The following CNTNAP2 variants were observed in gnomAD, a reference collection of about 807,000 sequenced individuals.
CNTNAP2 encodes contactin-associated protein-like 2.
In CNTNAP2, 98 loss-of-function variants were observed where a neutral mutation model predicts 155.2. The ratio of observed to expected loss-of-function variants is 0.63; its 90% confidence interval spans 0.54 to 0.75. The LOEUF (loss-of-function observed/expected upper bound fraction) is 0.75. Among genes scored for constraint, CNTNAP2 ranks in the 30% least tolerant of loss-of-function variants. The probability of loss-of-function intolerance (pLI) is 0.00; values close to 1 mark genes in which losing one functional copy is unlikely to be tolerated. For synonymous variants in CNTNAP2, 651 were observed against 631.2 expected (o/e 1.03, Z -0.47); for missense variants, 1,727 against 1,688.1 (o/e 1.02, Z -0.40).
At chr7:147,964,870 A>G (rs1241273126) in intron 14 of CNTNAP2, among the ~76,000 whole-genome samples, 1 of 152,190 alleles carries the variant, frequency 6.6e-6, no homozygotes, top group Non-Finnish European at 1.5e-5. Flanking sequence ...AATGTCCCTG[A>G]GTGGGTTGCT....
intron 13 of CNTNAP2, among the ~76,000 whole-genome samples, chr7:147,736,156 T>G (rs991691045): frequency 2.2e-4 from 33 of 151,948 alleles, no homozygotes; most frequent in African/African-American, 8.0e-4. Flanking sequence ...TCAGTGGCTG[T>G]TACTGGTTGT....
intron 1 of CNTNAP2, among the ~76,000 whole-genome samples, chr7:146,457,561 TGGCAC>T (rs2129123801): frequency 7.2e-6 from 1 of 139,128 alleles, no homozygotes; most frequent in East Asian, 2.1e-4. Context: ...AGTGGTGCAG[TGGCAC>T]GATCTTGGCT....
intron 1 of CNTNAP2, among the ~76,000 whole-genome samples, chr7:146,745,403 G>A (rs927284223): frequency 6.6e-6 from 1 of 152,030 alleles, no homozygotes. Flanking sequence ...ACTTGCAGAG[G>A]ATCACAAAGT....
chr7:146,909,401 T>G (rs1248704854), intron 3 of CNTNAP2, among the ~76,000 whole-genome samples: 4 of 111,092 alleles, frequency 3.6e-5, no homozygotes, highest in Non-Finnish European at 5.4e-5. Flanking sequence ...GCAAAAATCC[T>G]CAATAAAATA....
intron 1 of CNTNAP2, among the ~76,000 whole-genome samples, chr7:146,156,915 T>C (rs1194948390): frequency 6.6e-6 from 1 of 152,164 alleles, no homozygotes; most frequent in African/African-American, 2.4e-5. Context: ...TTACAGCATT[T>C]TTATAGACGC....
At chr7:146,143,548 T>C (rs945381248) in intron 1 of CNTNAP2, among the ~76,000 whole-genome samples, 32 of 152,096 alleles carry the variant, frequency 2.1e-4, no homozygotes, top group African/African-American at 7.7e-4. Flanking sequence ...AAGTATAAAA[T>C]GTTGAAATTC....
At chr7:146,518,918 C>T (rs1797577840) in intron 1 of CNTNAP2, among the ~76,000 whole-genome samples, 1 of 151,874 alleles carries the variant, frequency 6.6e-6, no homozygotes, top group African/African-American at 2.4e-5. Flanking sequence ...GCATGCTGTT[C>T]CTTCTGCATG....
intron 15 of CNTNAP2, among the ~76,000 whole-genome samples, chr7:148,113,194 G>A (rs1804394287): frequency 6.6e-6 from 1 of 152,178 alleles, no homozygotes; most frequent in South Asian, 2.1e-4. Flanking sequence ...CCCGCAGGCT[G>A]TACAGGAAGC....
intron 13 of CNTNAP2, among the ~76,000 whole-genome samples, chr7:147,886,357 C>G (rs979929297): frequency 1.3e-5 from 2 of 151,616 alleles, no homozygotes; most frequent in Non-Finnish European, 2.9e-5. Flanking sequence ...CACCTGTAAT[C>G]CCAGCTACTT....
chr7:148,143,323 C>A (rs969152292), intron 16 of CNTNAP2, among the ~76,000 whole-genome samples: 2 of 152,186 alleles, frequency 1.3e-5, no homozygotes, highest in Non-Finnish European at 2.9e-5. Flanking sequence ...ATGGCTTGAG[C>A]AATAACATAA....
At chr7:146,366,284 T>C (rs529041266) in intron 1 of CNTNAP2, among the ~76,000 whole-genome samples, 225 of 152,256 alleles carry the variant, frequency 1.5e-3, no homozygotes, top group African/African-American at 5.1e-3. Flanking sequence ...AGTCTAGAAT[T>C]TTTTAAATGC....
At chr7:146,479,201 T>C (rs1271255314) in intron 1 of CNTNAP2, among the ~76,000 whole-genome samples, 3 of 152,184 alleles carry the variant, frequency 2.0e-5, no homozygotes, top group South Asian at 2.1e-4. Context: ...TTACTCATCA[T>C]TGCTTTTAGA....
At chr7:147,848,930 G>A (rs1377139577) in intron 13 of CNTNAP2, among the ~76,000 whole-genome samples, 1 of 151,968 alleles carries the variant, frequency 6.6e-6, no homozygotes, top group East Asian at 1.9e-4. Flanking sequence ...AGTGAGATCA[G>A]AGTCGGAAAA....
At chr7:147,112,868 C>A (rs1800909925) in intron 5 of CNTNAP2, among the ~76,000 whole-genome samples, 1 of 151,852 alleles carries the variant, frequency 6.6e-6, no homozygotes, top group Non-Finnish European at 1.5e-5. Context: ...GTATATCCAC[C>A]AGGTTTTGGT....
At chr7:146,982,451 G>C (rs1379132838) in intron 3 of CNTNAP2, among the ~76,000 whole-genome samples, 1 of 152,094 alleles carries the variant, frequency 6.6e-6, no homozygotes, top group Non-Finnish European at 1.5e-5. Flanking sequence ...TTCAACAGAG[G>C]AGACATTTTC....
At chr7:146,796,961 C>G (rs1020982028) in intron 2 of CNTNAP2, among the ~76,000 whole-genome samples, 1 of 151,922 alleles carries the variant, frequency 6.6e-6, no homozygotes, top group Non-Finnish European at 1.5e-5. Context: ...ACCGTGAAAC[C>G]CTGTCTCTAC....
intron 1 of CNTNAP2, among the ~76,000 whole-genome samples, chr7:146,717,504 ACT>A (rs999078897): frequency 8.4e-4 from 127 of 152,080 alleles, no homozygotes; most frequent in African/African-American, 2.6e-3. Context: ...ACAGAGTGAG[ACT>A]CTATCATAAT....
intron 1 of CNTNAP2, among the ~76,000 whole-genome samples, chr7:146,128,254 G>A (rs1797666020): frequency 6.6e-6 from 1 of 152,076 alleles, no homozygotes; most frequent in African/African-American, 2.4e-5. Context: ...ATCATATTAG[G>A]TACTGTACTG....
intron 4 of CNTNAP2, among the ~76,000 whole-genome samples, chr7:147,074,365 A>T (rs1799955683): frequency 6.6e-6 from 1 of 151,958 alleles, no homozygotes; most frequent in African/African-American, 2.4e-5. Flanking sequence ...ATATTTGCTC[A>T]TTTCCTCACA....
Sources: allele counts gnomAD v4.1 joint callset (sites outside exome capture counted in the v4.1 genomes callset), GRCh38; gene constraint gnomAD v4.1.1; transcripts MANE v1.5; gene names NCBI Gene and HGNC (gene_info 2026-07-23, HGNC 2026-07-21).